The following TAS2R1 variants were observed in gnomAD, a reference collection of about 807,000 sequenced individuals.
The protein encoded by TAS2R1 is taste 2 receptor member 1, also known as taste receptor type 2 member 1.
For missense variants in TAS2R1, 370 were observed against 353.4 expected, an observed-to-expected ratio of 1.05 and a Z score of -0.38; for synonymous variants, 141 against 134.2, an observed-to-expected ratio of 1.05 and a Z score of -0.35.
At chr5:9,756,334 C>T in the TAS2R1 span, among the ~76,000 whole-genome samples, 1 of 152,132 alleles carries the variant, frequency 6.6e-6, no homozygotes, top group Non-Finnish European at 1.5e-5. Flanking sequence ...TAATTAATAT[C>T]AGAATGCAGG....
the TAS2R1 span, among the ~76,000 whole-genome samples, chr5:9,840,857 A>ATTTTTTTTTT: frequency 6.8e-5 from 9 of 132,076 alleles, no homozygotes; most frequent in African/African-American, 2.5e-4. Flanking sequence ...TTATTTATTT[A>ATTTTTTTTTT]TTTTTTTTTT....
the TAS2R1 span, among the ~76,000 whole-genome samples, chr5:9,849,251 T>A: frequency 6.6e-6 from 1 of 152,200 alleles, no homozygotes; most frequent in Non-Finnish European, 1.5e-5. Flanking sequence ...CCACCCCTGG[T>A]CCACAGACCC....
chr5:9,810,992 G>A, the TAS2R1 span, among the ~76,000 whole-genome samples: 1 of 152,126 alleles, frequency 6.6e-6, no homozygotes. Context: ...ATGACCTCAC[G>A]TGGATGTTCC....
At chr5:9,901,860 C>T in the TAS2R1 span, among the ~76,000 whole-genome samples, 1 of 152,106 alleles carries the variant, frequency 6.6e-6, no homozygotes, top group African/African-American at 2.4e-5. Context: ...CCTTCACTTA[C>T]TCCACCCATG....
At chr5:9,684,862 G>C (rs1373585812) in intron 1 of TAS2R1, among the ~76,000 whole-genome samples, 1 of 151,474 alleles carries the variant, frequency 6.6e-6, no homozygotes, top group Non-Finnish European at 1.5e-5. Context: ...AAAGTTAAAG[G>C]AAAAAAAAGA....
chr5:9,689,350 T>C (rs1741190511), intron 1 of TAS2R1, among the ~76,000 whole-genome samples: 1 of 152,162 alleles, frequency 6.6e-6, no homozygotes, highest in Non-Finnish European at 1.5e-5. Flanking sequence ...AGTGTCAGAA[T>C]TACCTGGGAA....
the TAS2R1 span, among the ~76,000 whole-genome samples, chr5:9,881,578 G>T: frequency 6.6e-6 from 1 of 152,146 alleles, no homozygotes; most frequent in Admixed American, 6.5e-5. Context: ...GAACAAAGCT[G>T]GAAGTATCAT....
At chr5:9,874,838 A>G in the TAS2R1 span, among the ~76,000 whole-genome samples, 1 of 152,000 alleles carries the variant, frequency 6.6e-6, no homozygotes, top group Non-Finnish European at 1.5e-5. Context: ...CCACATGGTG[A>G]CCTCCCCTTT....
At chr5:9,743,122 T>A in the TAS2R1 span, among the ~76,000 whole-genome samples, 1 of 151,820 alleles carries the variant, frequency 6.6e-6, no homozygotes, top group African/African-American at 2.4e-5. Context: ...CCAGACAACC[T>A]GCGAAGACAC....
chr5:9,733,019 G>A, the TAS2R1 span, among the ~76,000 whole-genome samples: 1 of 152,156 alleles, frequency 6.6e-6, no homozygotes, highest in Non-Finnish European at 1.5e-5. Flanking sequence ...ACAGTCACCT[G>A]ATTATAGATC....
At chr5:9,631,457 G>A (rs577158099), upstream of TAS2R1, among the ~76,000 whole-genome samples, 1 of 152,262 alleles carries the variant, frequency 6.6e-6, no homozygotes, top group South Asian at 2.1e-4. Context: ...GCCCAGGCTA[G>A]CCTTAACCTC....
At chr5:9,898,416 C>T in the TAS2R1 span, among the ~76,000 whole-genome samples, 3 of 152,140 alleles carry the variant, frequency 2.0e-5, no homozygotes, top group Non-Finnish European at 1.5e-5. Flanking sequence ...AGGTAGAAGC[C>T]GTGTGTACGT....
chr5:9,897,812 A>C, the TAS2R1 span, among the ~76,000 whole-genome samples: 1 of 152,224 alleles, frequency 6.6e-6, no homozygotes, highest in Non-Finnish European at 1.5e-5. Context: ...GAAAGCAACC[A>C]AACAATTTAT....
At chr5:9,843,646 T>C in the TAS2R1 span, among the ~76,000 whole-genome samples, 2 of 152,214 alleles carry the variant, frequency 1.3e-5, no homozygotes, top group African/African-American at 2.4e-5. Context: ...ACGAAAAATA[T>C]AAAGCATTTT....
At chr5:9,727,190 C>A in the TAS2R1 span, among the ~76,000 whole-genome samples, 1 of 152,198 alleles carries the variant, frequency 6.6e-6, no homozygotes, top group African/African-American at 2.4e-5. Context: ...TTTATTTCTT[C>A]CTCATTCCAT....
upstream of TAS2R1, among the ~76,000 whole-genome samples, chr5:9,635,019 G>C (rs1407090675): frequency 6.6e-6 from 1 of 152,004 alleles, no homozygotes; most frequent in African/African-American, 2.4e-5. Context: ...TCCTTGTCTT[G>C]TTCTAGTTCT....
At chr5:9,793,551 C>T in the TAS2R1 span, among the ~76,000 whole-genome samples, 1 of 152,136 alleles carries the variant, frequency 6.6e-6, no homozygotes, top group Non-Finnish European at 1.5e-5. Context: ...ACAATAAAAT[C>T]AGCTCAGATG....
the TAS2R1 span, among the ~76,000 whole-genome samples, chr5:9,844,213 C>A: frequency 3.3e-5 from 5 of 152,128 alleles, no homozygotes; most frequent in Non-Finnish European, 7.4e-5. Context: ...TAGAATTCTG[C>A]CATTTTTCTA....
intron 1 of TAS2R1, among the ~76,000 whole-genome samples, chr5:9,671,485 T>C (rs1035247000): frequency 5.9e-5 from 9 of 152,146 alleles, no homozygotes; most frequent in Middle Eastern, 3.2e-3. Context: ...AGCATTTCCA[T>C]ACATCAACAA....
Sources: gnomAD v4.1 joint callset for allele counts (sites outside exome capture counted in the v4.1 genomes callset) on GRCh38, gnomAD v4.1.1 for gene constraint, MANE v1.5 for transcripts, NCBI Gene and HGNC (gene_info 2026-07-23, HGNC 2026-07-21) for gene names.